The following SLC17A5 variants were observed in gnomAD, a reference collection of about 807,000 sequenced individuals.
SLC17A5 encodes the protein sialin.
In SLC17A5, 47 loss-of-function variants were observed where a neutral mutation model predicts 59.4. The ratio of observed to expected loss-of-function variants is 0.79; its 90% CI spans 0.63 to 1.01. The LOEUF is 1.01. Ranked by LOEUF, SLC17A5 falls within the 50% of genes least tolerant of loss-of-function variation. The pLI is 0.00. For synonymous variants in SLC17A5, 202 were observed against 210.7 expected, an observed-to-expected ratio of 0.96 and a Z score of 0.36; for missense variants, 522 against 595.5, an observed-to-expected ratio of 0.88 and a Z score of 1.28.
chr6:73,621,178 T>C (rs1439154779), intron 7 of SLC17A5, among the ~76,000 whole-genome samples: 1 of 152,112 alleles, frequency 6.6e-6, no homozygotes, highest in Non-Finnish European at 1.5e-5. Context: ...GTTAATTTTG[T>C]ATTTTTAGTA....
At position 73,601,913 on chromosome 6, in the gene SLC17A5, C is replaced by A. The variant is rs1486581748; in HGVS notation, c.1260-1472G>T. Among the ~76,000 whole-genome samples the A allele has an allele frequency of 6.8e-4, 104 of 151,934 alleles. 2 individuals are homozygous for A. The highest frequency in any genetic ancestry group is 1.2e-4 in the Non-Finnish European group (8 of 67,856). ...CTGGGAAGTGAGGAGCCCCTCTGCC[C>A]GGCCACCACCCCGTCTGGGAGGTGT... On this transcript the variant is annotated intron_variant, in intron 9 of 10. Transcript: ENST00000355773.
At chr6:73,625,289 C>T (rs1207534140) in intron 6 of SLC17A5, among the ~76,000 whole-genome samples, 1 of 152,266 alleles carries the variant, frequency 6.6e-6, no homozygotes, top group African/African-American at 2.4e-5. Context: ...GAGGTTCAAA[C>T]GATTCTCCTG....
chr6:73,616,605 GTC>G (rs1561990499), intron 7 of SLC17A5, among the ~76,000 whole-genome samples: 1 of 147,670 alleles, frequency 6.8e-6, no homozygotes, highest in Non-Finnish European at 1.5e-5. Flanking sequence ...GAACTGGAGA[GTC>G]TTTTTTTTTT....
chr6:73,653,703 G>A, intron 1 of SLC17A5, 90 bp downstream of exon 1: 1 of 1,321,744 alleles, frequency 7.6e-7, no homozygotes, highest in Non-Finnish European at 1.1e-6. Context: ...CGCCGGCGCA[G>A]GGTGCGGGTA....
chr6:73,623,316 G>C (rs1768239460), intron 6 of SLC17A5, among the ~76,000 whole-genome samples: 1 of 151,496 alleles, frequency 6.6e-6, no homozygotes, highest in African/African-American at 2.4e-5. Flanking sequence ...TGGGATTACA[G>C]GCGTGAGCCA....
At chr6:73,613,908 C>T (rs1767738034) in intron 8 of SLC17A5, among the ~76,000 whole-genome samples, 1 of 151,682 alleles carries the variant, frequency 6.6e-6, no homozygotes, top group Non-Finnish European at 1.5e-5. Flanking sequence ...TGCTGAAGGC[C>T]AGGAGTTCAA....
intron 6 of SLC17A5, among the ~76,000 whole-genome samples, chr6:73,627,343 G>A (rs574043731): frequency 6.6e-6 from 1 of 152,082 alleles, no homozygotes; most frequent in African/African-American, 2.4e-5. Context: ...CCAAAGTACT[G>A]GGATTACAGG....
intron 9 of SLC17A5, among the ~76,000 whole-genome samples, chr6:73,609,372 C>G (rs555151): frequency 6.6e-6 from 1 of 151,976 alleles, no homozygotes; most frequent in African/African-American, 2.4e-5. Flanking sequence ...CTGTGTGCTG[C>G]AAGATAAATC....
chr6:73,641,061 A>G (rs906149578), intron 3 of SLC17A5, among the ~76,000 whole-genome samples: 5 of 152,228 alleles, frequency 3.3e-5, no homozygotes, highest in Middle Eastern at 3.4e-3. Flanking sequence ...AGAGCACAAG[A>G]GGTAAGGATG....
In SLC17A5 at chr6:73,636,670, A is replaced by T. The variant is rs754686760; in HGVS notation, c.651T>A (p.Ser217=). ...QLGTVISLPL[S]GIICYYMNWT... ...AATTCATATAGTAGCAAATTATTCCAGAAAGAGGAAGAGAAATTACTGTCC... is the reference window on the plus strand; with the variant it reads ...AATTCATATAGTAGCAAATTATTCCTGAAAGAGGAAGAGAAATTACTGTCC... The change falls in exon 5 of 11, where the codon TCT becomes TCA. Residue 217 remains serine (S), a synonymous_variant. Coordinates refer to ENST00000355773, the MANE Select transcript of SLC17A5 (RefSeq NM_012434.5). 1.9e-6 allele frequency: 3 copies of T among 1,611,912 alleles called. No homozygotes were observed. Among genetic ancestry groups the T allele is most frequent in the Non-Finnish European group, 2.5e-6 (3 of 1,178,022 alleles).
At chr6:73,653,374 G>C in intron 1 of SLC17A5, 1 of 985,380 alleles carries the variant, frequency 1.0e-6, no homozygotes, top group Non-Finnish European at 1.2e-6. Context: ...CTCTTACACC[G>C]GGGTCCTCCG....
chr6:73,630,664 G>C (rs975713830), intron 6 of SLC17A5, among the ~76,000 whole-genome samples: 2 of 151,970 alleles, frequency 1.3e-5, no homozygotes, highest in African/African-American at 4.8e-5. Context: ...CCTTATGCAC[G>C]AGAGCAACAC....
rs1768473078 is a variant in SLC17A5, at chr6:73,627,316, C to T, written c.820-5354G>A. 2.0e-5 allele frequency among the ~76,000 whole-genome samples: 3 copies of T among 152,158 alleles called. No homozygotes were observed. The South Asian group carries it at 6.2e-4, about 32-fold the overall frequency. On this transcript the variant is annotated intron_variant, in intron 6 of 10. Transcript: ENST00000355773. ...GGTCTCTATCTGTTGACCTCGTGAT[C>T]TGCGTGCCTCAGCCTCCCAAAGTAC...
At chr6:73,601,380 C>T (rs868788465) in intron 9 of SLC17A5, among the ~76,000 whole-genome samples, 8 of 134,066 alleles carry the variant, frequency 6.0e-5, no homozygotes, top group South Asian at 2.7e-4. Flanking sequence ...GGAGCGTCTC[C>T]GCCCGGCAGC....
intron 10 of SLC17A5, among the ~76,000 whole-genome samples, chr6:73,595,949 CGTATATATATACATATACAT>C (rs1766777800): frequency 3.5e-4 from 1 of 2,850 alleles, no homozygotes; most frequent in Non-Finnish European, 7.0e-4. Flanking sequence ...TATATATATA[CGTATATATATACATATACAT>C]ATATATATAT....
chr6:73,635,120 G>A (rs1318521038), intron 6 of SLC17A5: 1 of 214,738 alleles, frequency 4.7e-6, no homozygotes. Flanking sequence ...TAAATGTTTT[G>A]TAGAGAAAGG....
intron 7 of SLC17A5, among the ~76,000 whole-genome samples, chr6:73,616,809 G>A (rs1047170997): frequency 2.6e-5 from 4 of 151,990 alleles, no homozygotes; most frequent in African/African-American, 9.7e-5. Context: ...GTTTCGCCAT[G>A]TTGGCCAGGC....
chr6:73,643,907 T>C (rs1319696761), intron 2 of SLC17A5, among the ~76,000 whole-genome samples: 1 of 152,206 alleles, frequency 6.6e-6, no homozygotes, highest in African/African-American at 2.4e-5. Context: ...TTAATACCAC[T>C]ATAACATAAG....
intron 10 of SLC17A5, among the ~76,000 whole-genome samples, chr6:73,599,048 G>T (rs1766944507): frequency 6.6e-6 from 1 of 151,898 alleles, no homozygotes; most frequent in Non-Finnish European, 1.5e-5. Flanking sequence ...AGGGCATGGT[G>T]GTGAGTGCCT....
Sources: allele counts gnomAD v4.1 joint callset (sites outside exome capture counted in the v4.1 genomes callset), GRCh38; gene constraint gnomAD v4.1.1; transcripts MANE v1.5; gene names NCBI Gene and HGNC (gene_info 2026-07-23, HGNC 2026-07-21).